CMTR1: variants seen among roughly 807,000 people sequenced by gnomAD.
CMTR1 encodes the protein cap-specific mRNA (nucleoside-2'-O-)-methyltransferase 1.
A neutral mutation model predicts 107.0 loss-of-function variants in CMTR1; 39 were observed. That is an observed-to-expected ratio of 0.36 (90% CI 0.28 to 0.48). The LOEUF (loss-of-function observed/expected upper bound fraction) is 0.48, where lower values mean the gene tolerates loss of function less well. Among genes scored for constraint, CMTR1 ranks in the 20% least tolerant of loss-of-function variants. CMTR1 has a pLI of 0.99. For missense variants in CMTR1, 672 were observed against 1,064.9 expected (o/e 0.63, Z 5.14); for synonymous variants, 366 against 379.5 (o/e 0.96, Z 0.41).
chr6:37,435,227 ATATT>A (rs774117155), intron 1 of CMTR1, among the ~76,000 whole-genome samples: 13 of 152,164 alleles, frequency 8.5e-5, no homozygotes, highest in African/African-American at 3.1e-4. Context: ...ATATTGGTTA[ATATT>A]TATTCGGTTT....
At chr6:37,459,854 G>A (rs935918071) in intron 10 of CMTR1, among the ~76,000 whole-genome samples, 170 bp downstream of exon 10, 8 of 152,170 alleles carry the variant, frequency 5.3e-5, no homozygotes, top group Non-Finnish European at 1.2e-4. Flanking sequence ...AATGATAATT[G>A]TGTAGAGACT....
At chr6:37,440,582 C>T (rs1484265136) in intron 2 of CMTR1, among the ~76,000 whole-genome samples, 2 of 152,176 alleles carry the variant, frequency 1.3e-5, no homozygotes, top group Admixed American at 1.3e-4. Context: ...ATATTTTACT[C>T]CCATTAACCT....
At chr6:37,442,798 T>A (rs533970099) in intron 2 of CMTR1, among the ~76,000 whole-genome samples, 3 of 152,346 alleles carry the variant, frequency 2.0e-5, no homozygotes, top group Admixed American at 6.5e-5. Flanking sequence ...TAGAAATACC[T>A]GAATAGTGAC....
chr6:37,477,482 G>A, intron 20 of CMTR1, 110 bp from the exon 21 acceptor site: 1 of 953,116 alleles, frequency 1.0e-6, no homozygotes. Flanking sequence ...TTTCAGGGAG[G>A]GCCTGGGGCA....
chr6:37,469,521 CT>C (rs763917812), intron 13 of CMTR1, among the ~76,000 whole-genome samples: 2,328 of 61,594 alleles, frequency 0.038, 20 homozygotes, highest in African/African-American at 0.14. Context: ...TTGTTTTATC[CT>C]TTTTTTTTTT....
intron 13 of CMTR1, among the ~76,000 whole-genome samples, chr6:37,465,320 G>T (rs1259980522): frequency 6.6e-6 from 1 of 151,450 alleles, no homozygotes; most frequent in Non-Finnish European, 1.5e-5. Context: ...TATATATATT[G>T]TTTTATTCTC....
intron 13 of CMTR1, among the ~76,000 whole-genome samples, chr6:37,465,502 A>G (rs1373087466): frequency 1.3e-5 from 2 of 152,072 alleles, no homozygotes; most frequent in Non-Finnish European, 2.9e-5. Context: ...GGCTATTTGT[A>G]TATCTTATTT....
intron 1 of CMTR1, among the ~76,000 whole-genome samples, chr6:37,433,642 CTCTT>C (rs1455798898): frequency 6.6e-6 from 1 of 152,220 alleles, no homozygotes; most frequent in Non-Finnish European, 1.5e-5. Flanking sequence ...GGGAGCTTAT[CTCTT>C]CTCTCTGTGA....
chr6:37,425,299 CT>C, the CMTR1 span, among the ~76,000 whole-genome samples: 14 of 139,742 alleles, frequency 1.0e-4, no homozygotes, highest in East Asian at 4.3e-4. Flanking sequence ...TAAATTCTTT[CT>C]TTTTTTTTTT....
intron 2 of CMTR1, among the ~76,000 whole-genome samples, chr6:37,439,059 A>G (rs968516446): frequency 2.6e-5 from 4 of 152,192 alleles, no homozygotes; most frequent in Admixed American, 2.0e-4. Flanking sequence ...AAATCAATGT[A>G]ATGACTCATT....
In CMTR1 at chr6:37,481,445, C is replaced by G. The variant is rs1025244851; in HGVS notation, c.*1300C>G. The G allele has an allele frequency of 1.7e-6, 2 of 1,168,810 alleles. No homozygotes were observed. Among genetic ancestry groups the G allele is most frequent in the African/African-American group, 3.2e-5 (2 of 62,094 alleles). The allele number at this position is 1,168,810 out of a possible 1,614,324, so 72.4% of individuals were successfully genotyped here. A position where few individuals can be genotyped will look rare whatever the true frequency, so the allele number is the denominator to read the frequency against. On this transcript the variant is annotated 3_prime_UTR_variant, in exon 24 of 24. Transcript: ENST00000373451. Reference sequence around the variant, plus strand: ...ACTGCTGAGATGCTGTATTTCCACCCAATTCTGGGTATATCAGTGTGTCTT... The same window carrying G: ...ACTGCTGAGATGCTGTATTTCCACCGAATTCTGGGTATATCAGTGTGTCTT...
At chr6:37,450,395 C>A in intron 5 of CMTR1, 52 bp downstream of exon 5, 1 of 1,371,018 alleles carries the variant, frequency 7.3e-7, no homozygotes, top group Non-Finnish European at 1.0e-6. Context: ...CTTGACTTTT[C>A]ACTTGCTCGA....
chr6:37,444,279 T>C (rs1317782693), intron 3 of CMTR1, 129 bp downstream of exon 3: 20 of 1,138,356 alleles, frequency 1.8e-5, no homozygotes, highest in Non-Finnish European at 2.5e-5. Context: ...TACTGAAATT[T>C]AGCAGAGTGT....
At chr6:37,462,731 A>T in intron 12 of CMTR1, 98 bp from the exon 13 acceptor site, 1 of 1,140,694 alleles carries the variant, frequency 8.8e-7, no homozygotes, top group Non-Finnish European at 1.3e-6. Context: ...TTGAACAGGG[A>T]AGCCATTAAG....
At chr6:37,466,777 G>C (rs1317522924) in intron 13 of CMTR1, among the ~76,000 whole-genome samples, 1 of 151,938 alleles carries the variant, frequency 6.6e-6, no homozygotes, top group East Asian at 1.9e-4. Flanking sequence ...TTGGCTATTT[G>C]GTGTCCCTTG....
intron 4 of CMTR1, among the ~76,000 whole-genome samples, chr6:37,448,572 CA>C: frequency 6.6e-6 from 1 of 152,324 alleles, no homozygotes; most frequent in African/African-American, 2.4e-5. Flanking sequence ...GATTCATGGA[CA>C]AAAGGCTTCA....
chr6:37,459,654 C>G lies in CMTR1; in HGVS notation c.1065C>G (p.Arg355=), dbSNP rs757852955. Residue 355 remains arginine, a synonymous_variant, in exon 10 of 24, where the codon CGC becomes CGG. Transcript: ENST00000373451. ...FRNFVLDNTD[R]KGVHFLMADG... ...ATTTTGTCCTGGATAACACAGATCG[C>G]AAGGGTGTCCATTTTCTGATGGCTG... 1 of 1,614,084 alleles carries G rather than the reference C, an allele frequency of 6.2e-7. No homozygotes were observed. The highest frequency in any genetic ancestry group is 1.1e-5 in the South Asian group (1 of 91,080).
chr6:37,481,367 C>T lies in CMTR1; in HGVS notation c.*1222C>T, dbSNP rs1761854149. ...CCCGTGAGGTTGGAATCGACTTCAC[C>T]ATGGGGGTCCTTCAGCCAGCATCCA... On this transcript the variant is annotated 3_prime_UTR_variant, in exon 24 of 24. Transcript: ENST00000373451. 11 of 1,188,986 alleles carry T rather than the reference C, an allele frequency of 9.3e-6. No homozygotes were observed. Among genetic ancestry groups the T allele is most frequent in the Non-Finnish European group, 1.1e-5 (10 of 943,142 alleles). The allele number at this position is 1,188,986 out of a possible 1,614,324, so 73.7% of individuals were successfully genotyped here. A position where few individuals can be genotyped will look rare whatever the true frequency, so the allele number is the denominator to read the frequency against.
In CMTR1 at chr6:37,461,591, A is replaced by G; in HGVS notation, c.1138A>G (p.Ser380Gly). Reference protein sequence around the residue: ...EGQENLQEILSKQLLLCQFLM... With the variant: ...EGQENLQEILGKQLLLCQFLM... Reference sequence around the variant, plus strand: ...GCAGGAGAACCTGCAGGAGATCCTCAGCAAGCAGCTGCTTCTGTGTCAGTT... The same window carrying G: ...GCAGGAGAACCTGCAGGAGATCCTCGGCAAGCAGCTGCTTCTGTGTCAGTT... Residue 380 changes from serine to glycine, a missense_variant, in exon 11 of 24, where the codon AGC (serine) becomes GGC (glycine). Physicochemically the swap from Ser to Gly is moderately conservative, Grantham distance 56. Coordinates refer to ENST00000373451, the MANE Select transcript of CMTR1 (RefSeq NM_015050.3). 1 of 1,611,986 alleles carries G rather than the reference A, an allele frequency of 6.2e-7. No individual in the cohort carries two copies. The highest frequency in any genetic ancestry group is 8.5e-7 in the Non-Finnish European group (1 of 1,178,832).
Sources: allele counts gnomAD v4.1 joint callset (sites outside exome capture counted in the v4.1 genomes callset), GRCh38; gene constraint gnomAD v4.1.1; transcripts MANE v1.5; gene names NCBI Gene and HGNC (gene_info 2026-07-23, HGNC 2026-07-21).